The following TRIM5 variants were observed in gnomAD, a reference collection of about 807,000 sequenced individuals.
TRIM5 encodes tripartite motif-containing protein 5.
In TRIM5, 31 loss-of-function variants were observed where a neutral mutation model predicts 35.6. That is an observed-to-expected ratio of 0.87 (90% confidence interval 0.65 to 1.18). The LOEUF is 1.18. Ranked by LOEUF, TRIM5 falls within the 50% of genes most tolerant of loss-of-function variation. The pLI is 0.00. For missense variants in TRIM5, 609 were observed against 591.6 expected, an observed-to-expected ratio of 1.03 and a Z score of -0.31; for synonymous variants, 243 against 215.6, an observed-to-expected ratio of 1.13 and a Z score of -1.11.
the TRIM5 span, among the ~76,000 whole-genome samples, chr11:5,650,356 TTTTTA>T: frequency 3.3e-5 from 5 of 152,236 alleles, no homozygotes; most frequent in African/African-American, 1.2e-4. Context: ...GTTGCACTAC[TTTTTA>T]AAGTTCTGCC....
the TRIM5 span, among the ~76,000 whole-genome samples, chr11:5,637,115 G>T: frequency 8.5e-5 from 13 of 152,198 alleles, no homozygotes; most frequent in African/African-American, 3.1e-4. Flanking sequence ...GGAGCTTGCA[G>T]TGAGCCAAGA....
chr11:5,598,161 C>T, the TRIM5 span, among the ~76,000 whole-genome samples: 1 of 152,128 alleles, frequency 6.6e-6, no homozygotes, highest in East Asian at 1.9e-4. Context: ...TTCTCTCAGC[C>T]CGTCCACACT....
At chr11:5,668,992 T>C (rs1199012927) in intron 4 of TRIM5, among the ~76,000 whole-genome samples, 1 of 152,022 alleles carries the variant, frequency 6.6e-6, no homozygotes, top group Admixed American at 6.6e-5. Flanking sequence ...ACATTGTCCA[T>C]AATATTACTA....
the TRIM5 span, chr11:5,626,643 G>C: frequency 5.3e-5 from 8 of 152,174 alleles, no homozygotes; most frequent in Non-Finnish European, 1.0e-4. Context: ...ACTTAGGGAG[G>C]ACAAGGCAGG....
At chr11:5,593,254 T>G in the TRIM5 span, among the ~76,000 whole-genome samples, 1 of 152,228 alleles carries the variant, frequency 6.6e-6, no homozygotes. Context: ...ATTCTTAATC[T>G]TAGCCTTGCA....
At chr11:5,634,534 T>C in the TRIM5 span, 2,029 of 616,722 alleles carry the variant, frequency 3.3e-3, 33 homozygotes, top group African/African-American at 0.039. Flanking sequence ...CACACACATA[T>C]ATATATATAT....
chr11:5,610,652 T>C, the TRIM5 span: 1 of 1,570,694 alleles, frequency 6.4e-7, no homozygotes, highest in South Asian at 1.2e-5. Flanking sequence ...TCCTAGGTGT[T>C]GATGCCTCCC....
chr11:5,639,962 A>ACC, the TRIM5 span, among the ~76,000 whole-genome samples: 2 of 152,206 alleles, frequency 1.3e-5, no homozygotes, highest in East Asian at 1.9e-4. Flanking sequence ...TCAAGCATTT[A>ACC]TCATTTGTTT....
chr11:5,613,167 G>A, the TRIM5 span, among the ~76,000 whole-genome samples: 1 of 152,178 alleles, frequency 6.6e-6, no homozygotes, highest in East Asian at 1.9e-4. Context: ...CTTCCCAGCT[G>A]CCCTGAGGCA....
chr11:5,618,766 T>C, the TRIM5 span, among the ~76,000 whole-genome samples: 1 of 152,206 alleles, frequency 6.6e-6, no homozygotes. Context: ...TGTAGTATAC[T>C]CTGGGGGAGA....
chr11:5,657,575 TATTATATATAATGC>T, the TRIM5 span, among the ~76,000 whole-genome samples: 15 of 102,348 alleles, frequency 1.5e-4, no homozygotes, highest in East Asian at 3.2e-3. Flanking sequence ...ATTATTTATA[TATTATATATAATGC>T]ATTATATATA....
chr11:5,667,340 GGGA>G (rs35130502), intron 5 of TRIM5, among the ~76,000 whole-genome samples: 12,999 of 152,136 alleles, frequency 0.085, 570 homozygotes, highest in Non-Finnish European at 0.097. Flanking sequence ...CCGAATAGCT[GGGA>G]TTACAGGCAC....
the TRIM5 span, chr11:5,608,540 C>A: frequency 7.6e-7 from 1 of 1,321,956 alleles, no homozygotes; most frequent in Non-Finnish European, 1.0e-6. Flanking sequence ...GTTTTGGCAT[C>A]CCCAAATAAA....
chr11:5,639,354 T>C, the TRIM5 span, among the ~76,000 whole-genome samples: 1 of 151,832 alleles, frequency 6.6e-6, no homozygotes, highest in Non-Finnish European at 1.5e-5. Flanking sequence ...GATATAAAGG[T>C]TGACAAAAAA....
At chr11:5,623,529 G>A in the TRIM5 span, among the ~76,000 whole-genome samples, 14 of 115,202 alleles carry the variant, frequency 1.2e-4, no homozygotes, top group African/African-American at 3.6e-4. Flanking sequence ...CACCATGCCC[G>A]GCTAATTTTT....
At chr11:5,604,460 C>T in the TRIM5 span, 6 of 1,489,642 alleles carry the variant, frequency 4.0e-6, no homozygotes, top group Non-Finnish European at 5.4e-6. Flanking sequence ...GAATCTCTGT[C>T]CCATTCATTC....
the TRIM5 span, chr11:5,608,379 G>C: frequency 2.5e-6 from 4 of 1,613,724 alleles, no homozygotes; most frequent in Non-Finnish European, 3.4e-6. Context: ...TAGGATGTGA[G>C]TGATGTCACA....
intron 5 of TRIM5, chr11:5,666,399 T>TAAAAC (rs564949167): frequency 1.5e-5 from 4 of 267,388 alleles, no homozygotes; most frequent in South Asian, 5.6e-5. Flanking sequence ...AAAAGGATTT[T>TAAAAC]AAAACAAAAC....
At position 5,665,164 on chromosome 11, in the gene TRIM5, C is replaced by T. The variant is rs553273809; in HGVS notation, c.1127G>A (p.Cys376Tyr). The T allele has an allele frequency of 4.3e-5, 69 of 1,614,088 alleles. No homozygotes were observed. In the South Asian group the frequency reaches 6.8e-4, roughly 16 times the overall value. ...SKKTAWILGVCAGFQPDAMCN... is the reference protein window; with the variant it reads ...SKKTAWILGVYAGFQPDAMCN... ...CATTGCATCAGGTTGGAAGCCAGCA[C>T]ATACCCCCAGGATCCAAGCAGTTTT... The change falls in exon 8 of 8, where the codon TGT becomes TAT. Residue 376 changes from cysteine (C) to tyrosine (Y), a missense_variant. Physicochemically the swap from Cys to Tyr is radical, Grantham distance 194 (BLOSUM62 -2). Coordinates refer to ENST00000380034, the MANE Select transcript of TRIM5 (RefSeq NM_033034.3).
Sources: gnomAD v4.1 joint callset for allele counts (sites outside exome capture counted in the v4.1 genomes callset) on GRCh38, gnomAD v4.1.1 for gene constraint, MANE v1.5 for transcripts, NCBI Gene and HGNC (gene_info 2026-07-23, HGNC 2026-07-21) for gene names.